IFT122: variants seen among roughly 807,000 people sequenced by gnomAD.
The protein encoded by IFT122 is intraflagellar transport protein 122 homolog.
Under a neutral mutation model 161.6 loss-of-function variants are expected in IFT122, and 118 were observed. That is an observed-to-expected ratio of 0.73 (90% confidence interval 0.63 to 0.85). The LOEUF (loss-of-function observed/expected upper bound fraction) is 0.85, where lower values mean the gene tolerates loss of function less well. IFT122 is among the 40% of genes least tolerant of loss of function. IFT122 has a pLI of 0.00. For synonymous variants in IFT122, 550 were observed against 602.4 expected, an observed-to-expected ratio of 0.91 and a Z score of 1.27; for missense variants, 1,381 against 1,579.6, an observed-to-expected ratio of 0.87 and a Z score of 2.13.
At chr3:129,514,300 G>T in intron 24 of IFT122, 89 bp from the exon 25 acceptor site, 1 of 1,441,886 alleles carries the variant, frequency 6.9e-7, no homozygotes, top group South Asian at 1.2e-5. Context: ...CACAAGCTGT[G>T]TTCCAGCCTG....
chr3:129,483,450 G>T, intron 14 of IFT122, 35 bp from the exon 15 acceptor site: 1 of 1,596,982 alleles, frequency 6.3e-7, no homozygotes, highest in Non-Finnish European at 8.6e-7. Context: ...GCCCAGGGTG[G>T]TTCTCACAGG....
chr3:129,483,254 C>G (rs1251502881), intron 14 of IFT122, among the ~76,000 whole-genome samples: 1 of 152,064 alleles, frequency 6.6e-6, no homozygotes, highest in African/African-American at 2.4e-5. Context: ...AAAAGTAATA[C>G]TTGCTTACTC....
rs1465178476 is a variant in IFT122 at position 129,520,331 on chromosome 3, TAAAG to T, written c.*68_*71del. ...GGGTCTGCTGGGCTGTGAAGGAGAA[TAAAG>T]AGTTAAACTGTCAGAATGTGTTTCT... is the stretch of plus-strand genomic sequence containing the variant. On this transcript the variant is annotated 3_prime_UTR_variant, in exon 30 of 30. Transcript: ENST00000348417. 17 of 1,223,134 alleles carry T rather than the reference TAAAG, an allele frequency of 1.4e-5. No individual in the cohort carries two copies. The Admixed American group carries it at 2.9e-4, about 21-fold the overall frequency. 75.8% of individuals were successfully genotyped at this position (1,223,134 alleles called of 1,614,324 possible).
intron 26 of IFT122, among the ~76,000 whole-genome samples, chr3:129,516,288 A>G (rs2083569098): frequency 1.1e-5 from 1 of 93,322 alleles, no homozygotes; most frequent in South Asian, 3.8e-4. Flanking sequence ...TTGCTCCTGC[A>G]CACACACACA....
intron 25 of IFT122, chr3:129,514,983 C>G: frequency 2.7e-6 from 1 of 364,844 alleles, no homozygotes; most frequent in Non-Finnish European, 5.2e-6. Flanking sequence ...TCAACCCAGC[C>G]AGCTTCCTTC....
intron 18 of IFT122, among the ~76,000 whole-genome samples, chr3:129,497,829 A>G (rs3774774): frequency 0.38 from 58,099 of 152,130 alleles, 17,901 homozygotes; most frequent in African/African-American, 0.83. Context: ...AACGTGGCAT[A>G]TTTTTGTTTA....
intron 21 of IFT122, among the ~76,000 whole-genome samples, chr3:129,505,916 C>G (rs1447552626): frequency 1.3e-5 from 2 of 152,258 alleles, no homozygotes; most frequent in East Asian, 3.9e-4. Flanking sequence ...TTTGCAAAGC[C>G]CATTTCATTG....
chr3:129,471,435 C>A (rs567537425), intron 9 of IFT122, among the ~76,000 whole-genome samples: 3 of 151,760 alleles, frequency 2.0e-5, no homozygotes, highest in Admixed American at 2.0e-4. Context: ...TCAACAGATA[C>A]TTATTGGCAC....
chr3:129,504,824 ATAGC>A (rs1476471792), intron 21 of IFT122, among the ~76,000 whole-genome samples: 2 of 149,008 alleles, frequency 1.3e-5, no homozygotes, highest in Non-Finnish European at 1.5e-5. Context: ...CTGAAGTTTC[ATAGC>A]TAGGAAGTGG....
intron 26 of IFT122, among the ~76,000 whole-genome samples, chr3:129,516,504 GGAGACTGCCCCTGCGTGCACACACA>G (rs1203980786): frequency 2.9e-3 from 101 of 34,304 alleles, no homozygotes; most frequent in African/African-American, 0.012. Flanking sequence ...ACACACACAT[GGAGACTGCCCCTGCGTGCACACACA>G]GAGACTGCCC....
chr3:129,478,303 A>C (rs1240023175), intron 12 of IFT122, 85 bp downstream of exon 12: 15 of 1,126,460 alleles, frequency 1.3e-5, no homozygotes, highest in Non-Finnish European at 2.0e-5. Context: ...CATGGTTTTA[A>C]AACTGGTCAC....
chr3:129,477,303 T>C (rs2078067035), intron 11 of IFT122, among the ~76,000 whole-genome samples: 1 of 152,214 alleles, frequency 6.6e-6, no homozygotes, highest in African/African-American at 2.4e-5. Flanking sequence ...ATAGTCATTC[T>C]AAGCCCTAAG....
At chr3:129,513,209 C>T (rs1356563875) in intron 24 of IFT122, 1 of 152,274 alleles carries the variant, frequency 6.6e-6, no homozygotes, top group East Asian at 1.9e-4. Flanking sequence ...GCCTGTGCAG[C>T]CAGATACTGG....
intron 22 of IFT122, among the ~76,000 whole-genome samples, chr3:129,507,206 T>C (rs569645337): frequency 1.3e-5 from 2 of 152,198 alleles, no homozygotes; most frequent in African/African-American, 4.8e-5. Flanking sequence ...TTGAAAATTG[T>C]CAAGCCTAGG....
chr3:129,497,997 T>C lies in IFT122; in HGVS notation c.2209-1905T>C, dbSNP rs184993170. Among the ~76,000 whole-genome samples, 271 of 152,334 alleles carry C rather than the reference T, an allele frequency of 1.8e-3. 2 individuals carry two copies. Among genetic ancestry groups the C allele is most frequent in the East Asian group, 6.9e-3 (36 of 5,192 alleles). ...TTAACTCTTATGTAGTATGTTCTTA[T>C]CAAAATCACCAAGCATGAGAACACT... On this transcript the variant is annotated intron_variant, in intron 18 of 29. Coordinates refer to ENST00000348417, the MANE Select transcript of IFT122 (RefSeq NM_052989.3).
At chr3:129,482,907 T>C (rs997867717) in intron 14 of IFT122, among the ~76,000 whole-genome samples, 30 of 152,292 alleles carry the variant, frequency 2.0e-4, no homozygotes, top group African/African-American at 6.7e-4. Context: ...CTCCCACCTA[T>C]AGGGGGCATA....
At chr3:129,450,572 C>T (rs2074652057) in intron 2 of IFT122, among the ~76,000 whole-genome samples, 1 of 152,172 alleles carries the variant, frequency 6.6e-6, no homozygotes, top group African/African-American at 2.4e-5. Flanking sequence ...AATCTTAAAA[C>T]ATGGTTAAAT....
chr3:129,444,550 T>A lies in IFT122; in HGVS notation c.41+4179T>A, dbSNP rs887859450. On this transcript the variant is annotated intron_variant, in intron 1 of 29. Transcript: ENST00000348417. The stretch of plus-strand genomic sequence containing the variant: ...ACTCTTTTTTTTTTTTGAGACAGAG[T>A]CTCGCTCTGTTGCCAGGCTGGAGTG... Among the ~76,000 whole-genome samples, 10 of 151,132 alleles carry A rather than the reference T, an allele frequency of 6.6e-5. No homozygotes were observed. In the East Asian group the frequency reaches 9.7e-4, roughly 15 times the overall value.
At chr3:129,443,695 C>T (rs2107815105) in intron 1 of IFT122, among the ~76,000 whole-genome samples, 1 of 151,878 alleles carries the variant, frequency 6.6e-6, no homozygotes, top group East Asian at 1.9e-4. Flanking sequence ...AAGATAATAT[C>T]TAACACAATG....
Sources: gnomAD v4.1 joint callset for allele counts (sites outside exome capture counted in the v4.1 genomes callset) on GRCh38, gnomAD v4.1.1 for gene constraint, MANE v1.5 for transcripts, NCBI Gene and HGNC (gene_info 2026-07-23, HGNC 2026-07-21) for gene names.